The following SLCO3A1 variants were observed in gnomAD, a reference collection of about 807,000 sequenced individuals.
SLCO3A1 encodes PGE1 transporter.
SLCO3A1 carries 27 observed loss-of-function variants against 63.1 expected under a neutral mutation model. That is an observed-to-expected ratio of 0.43 (90% CI 0.32 to 0.59). SLCO3A1 has a LOEUF of 0.59. Among genes scored for constraint, SLCO3A1 ranks in the 20% least tolerant of loss-of-function variants. The pLI, the probability that SLCO3A1 is intolerant of heterozygous loss-of-function variation, is 0.09. For missense variants in SLCO3A1, 773 were observed against 945.8 expected (o/e 0.82, Z 2.40); for synonymous variants, 473 against 409.9 (o/e 1.15, Z -1.86).
chr15:91,957,479 G>C (rs903571063), intron 2 of SLCO3A1, among the ~76,000 whole-genome samples: 16 of 151,720 alleles, frequency 1.1e-4, no homozygotes, highest in Non-Finnish European at 2.4e-4. Context: ...TTCTTTCCTG[G>C]TGGCATCTTC....
chr15:91,889,394 G>A (rs916165741), intron 1 of SLCO3A1, among the ~76,000 whole-genome samples: 2 of 152,170 alleles, frequency 1.3e-5, no homozygotes, highest in Non-Finnish European at 2.9e-5. Context: ...AGCTCACACT[G>A]CCTCTTCTTA....
intron 7 of SLCO3A1, among the ~76,000 whole-genome samples, chr15:92,129,845 C>G (rs2047971001): frequency 7.1e-6 from 1 of 139,882 alleles, no homozygotes; most frequent in Non-Finnish European, 1.5e-5. Context: ...CAGTTATTAA[C>G]ATTTTCTTTA....
At chr15:91,984,921 T>C (rs2046031711) in intron 2 of SLCO3A1, among the ~76,000 whole-genome samples, 1 of 152,030 alleles carries the variant, frequency 6.6e-6, no homozygotes, top group Non-Finnish European at 1.5e-5. Flanking sequence ...CAACTCACAC[T>C]TTTTTTTGCA....
At chr15:92,034,051 G>C (rs2046691517) in intron 2 of SLCO3A1, among the ~76,000 whole-genome samples, 1 of 146,790 alleles carries the variant, frequency 6.8e-6, no homozygotes, top group African/African-American at 2.4e-5. Context: ...GAAGGACCTG[G>C]GAAGCCATTG....
intron 1 of SLCO3A1, among the ~76,000 whole-genome samples, chr15:91,892,175 C>T (rs1279002832): frequency 6.6e-6 from 1 of 152,160 alleles, no homozygotes; most frequent in Non-Finnish European, 1.5e-5. Context: ...AATGAGGAAA[C>T]AGGCTCAGGA....
In SLCO3A1 at chr15:92,113,894, A is replaced by T. The variant is rs75826042; in HGVS notation, c.1010-6571A>T. ...TAGGCCAGGAGTTTGAGTCAACATC[A>T]CCTGTGGAGTTTCTTGAACCGCCCT... On this transcript the variant is annotated intron_variant, in intron 4 of 9. Coordinates refer to ENST00000318445, the MANE Select transcript of SLCO3A1 (RefSeq NM_013272.4). 7.2e-3 allele frequency among the ~76,000 whole-genome samples: 1,091 copies of T among 152,298 alleles called. 16 individuals carry two copies. Among genetic ancestry groups the T allele is most frequent in the African/African-American group, 0.024 (1,000 of 41,544 alleles).
chr15:92,043,147 T>C (rs1168974448), intron 2 of SLCO3A1, among the ~76,000 whole-genome samples: 3 of 137,144 alleles, frequency 2.2e-5, no homozygotes, highest in African/African-American at 8.2e-5. Flanking sequence ...GTGTTTGCTT[T>C]CCATGCTTGC....
intron 2 of SLCO3A1, among the ~76,000 whole-genome samples, chr15:92,088,717 C>A (rs1324463815): frequency 6.6e-6 from 1 of 152,164 alleles, no homozygotes; most frequent in African/African-American, 2.4e-5. Context: ...TCAAAGCCAG[C>A]ATGACTAGTC....
chr15:92,054,572 A>G lies in SLCO3A1; in HGVS notation c.647-40309A>G, dbSNP rs996818813. 1.1e-4 allele frequency among the ~76,000 whole-genome samples: 16 copies of G among 152,232 alleles called. No homozygotes were observed. The East Asian group carries it at 3.1e-3, about 29-fold the overall frequency. On this transcript the variant is annotated intron_variant, in intron 2 of 9. Transcript: ENST00000318445. ...ACCCATCCCCTAGGTATTAAGCCCC[A>G]TATGCATTAGCTATCCTGATGCTCT...
chr15:91,932,846 G>C (rs1200834353), intron 2 of SLCO3A1, among the ~76,000 whole-genome samples: 5 of 152,124 alleles, frequency 3.3e-5, no homozygotes, highest in Non-Finnish European at 5.9e-5. Flanking sequence ...CATTTCTTAG[G>C]GGCACTGATC....
At chr15:91,923,101 G>A (rs1293927812) in intron 2 of SLCO3A1, among the ~76,000 whole-genome samples, 1 of 152,200 alleles carries the variant, frequency 6.6e-6, no homozygotes, top group Non-Finnish European at 1.5e-5. Flanking sequence ...CTGGGTTTTG[G>A]ATGAGTTTCC....
At chr15:92,007,466 T>C (rs930078383) in intron 2 of SLCO3A1, among the ~76,000 whole-genome samples, 2 of 152,110 alleles carry the variant, frequency 1.3e-5, no homozygotes, top group African/African-American at 2.4e-5. Flanking sequence ...GGATGTCAGA[T>C]GTTGTTTTGG....
In SLCO3A1 at chr15:91,947,531, G is replaced by A. The variant is rs886715471; in HGVS notation, c.646+31073G>A. Among the ~76,000 whole-genome samples the A allele has an allele frequency of 7.2e-5, 11 of 152,276 alleles. No individual in the cohort carries two copies. The South Asian group carries it at 1.5e-3, about 20-fold the overall frequency. On this transcript the variant is annotated intron_variant, in intron 2 of 9. Coordinates refer to ENST00000318445, the MANE Select transcript of SLCO3A1 (RefSeq NM_013272.4). ...TGAGGAGAGCTCTTAAATCCTTCTAGGTCTTGAGATGATGACACTAGGAGC... is the reference window on the plus strand; with the variant it reads ...TGAGGAGAGCTCTTAAATCCTTCTAAGTCTTGAGATGATGACACTAGGAGC...
chr15:92,086,057 T>C (rs1266177145), intron 2 of SLCO3A1, among the ~76,000 whole-genome samples: 2 of 152,192 alleles, frequency 1.3e-5, no homozygotes, highest in African/African-American at 2.4e-5. Flanking sequence ...TAGTTTCCAG[T>C]TGGGAAATCT....
At chr15:91,974,775 C>G (rs1235281507) in intron 2 of SLCO3A1, among the ~76,000 whole-genome samples, 2 of 152,202 alleles carry the variant, frequency 1.3e-5, no homozygotes, top group African/African-American at 2.4e-5. Flanking sequence ...TCCAGTCCCT[C>G]TGTGATAGGG....
intron 2 of SLCO3A1, among the ~76,000 whole-genome samples, chr15:91,918,148 G>A (rs1424350045): frequency 6.6e-6 from 1 of 152,234 alleles, no homozygotes; most frequent in African/African-American, 2.4e-5. Context: ...GTGAGGGTTG[G>A]TTTGAATGTG....
intron 2 of SLCO3A1, among the ~76,000 whole-genome samples, chr15:91,982,236 A>C (rs1279394789): frequency 6.6e-6 from 1 of 152,236 alleles, no homozygotes; most frequent in Non-Finnish European, 1.5e-5. Context: ...GTGGCTTCTT[A>C]TTTTGCATCA....
At chr15:92,034,554 T>G (rs2046699517) in intron 2 of SLCO3A1, among the ~76,000 whole-genome samples, 1 of 151,502 alleles carries the variant, frequency 6.6e-6, no homozygotes. Flanking sequence ...TGCTGAGCAA[T>G]CAGAAGAGGA....
intron 4 of SLCO3A1, 140 bp downstream of exon 4, chr15:92,104,682 C>T (rs2047646568): frequency 2.4e-6 from 2 of 823,448 alleles, no homozygotes; most frequent in South Asian, 1.9e-5. Flanking sequence ...TGGCTGGCCT[C>T]TACCAGCCAG....
Sources: allele counts gnomAD v4.1 joint callset (sites outside exome capture counted in the v4.1 genomes callset), GRCh38; gene constraint gnomAD v4.1.1; transcripts MANE v1.5; gene names NCBI Gene and HGNC (gene_info 2026-07-23, HGNC 2026-07-21).